CAB39L: variants seen among roughly 807,000 people sequenced by gnomAD.
CAB39L encodes calcium-binding protein 39-like.
CAB39L carries 23 observed loss-of-function variants against 39.1 expected under a neutral mutation model. That is an observed-to-expected ratio of 0.59 (90% CI 0.42 to 0.83). CAB39L has a LOEUF of 0.83. Ranked by LOEUF, CAB39L falls within the 40% of genes least tolerant of loss-of-function variation. CAB39L has a pLI of 0.00. For synonymous variants in CAB39L, 126 were observed against 137.2 expected (o/e 0.92, Z 0.57); for missense variants, 366 against 391.9 (o/e 0.93, Z 0.56).
chr13:49,420,070 T>C (rs1957148767), intron 3 of CAB39L, among the ~76,000 whole-genome samples: 1 of 152,218 alleles, frequency 6.6e-6, no homozygotes, highest in Non-Finnish European at 1.5e-5. Context: ...AACTTTAGAT[T>C]AGAGGATGAC....
chr13:49,435,583 C>A lies in CAB39L; in HGVS notation c.-245-1360G>T, dbSNP rs545204608. ...CGGCATGATCTGGGCTCACTGCAGCCTCCGCCTCCCAGGTTCAAGCAATTC... is the reference window on the plus strand; with the variant it reads ...CGGCATGATCTGGGCTCACTGCAGCATCCGCCTCCCAGGTTCAAGCAATTC... On this transcript the variant is annotated intron_variant, in intron 1 of 10. Coordinates refer to ENST00000409308, the MANE Select transcript of CAB39L (RefSeq NM_001079670.3). Among the ~76,000 whole-genome samples, 5 of 152,324 alleles carry A rather than the reference C, an allele frequency of 3.3e-5. 1 individual carries two copies. The highest frequency in any genetic ancestry group is 1.3e-4 in the Admixed American group (2 of 15,304).
intron 5 of CAB39L, among the ~76,000 whole-genome samples, chr13:49,363,156 A>G (rs1426467044): frequency 1.3e-5 from 2 of 152,240 alleles, no homozygotes; most frequent in Non-Finnish European, 2.9e-5. Flanking sequence ...ATCTTAAGGT[A>G]TAAAATCCAC....
intron 3 of CAB39L, among the ~76,000 whole-genome samples, chr13:49,397,604 T>G (rs142136461): frequency 6.6e-6 from 1 of 152,130 alleles, no homozygotes; most frequent in Non-Finnish European, 1.5e-5. Context: ...TAGGCTATTG[T>G]AGTTCCAGAA....
intron 5 of CAB39L, among the ~76,000 whole-genome samples, chr13:49,374,854 A>C (rs1956013589): frequency 6.6e-6 from 1 of 152,224 alleles, no homozygotes; most frequent in South Asian, 2.1e-4. Context: ...AAATTGGGTT[A>C]ATCTCATAAA....
chr13:49,325,821 A>C (rs1478113166), intron 10 of CAB39L, among the ~76,000 whole-genome samples: 1 of 151,792 alleles, frequency 6.6e-6, no homozygotes, highest in Admixed American at 6.6e-5. Flanking sequence ...TAATATTAAA[A>C]AGTGGGTCCT....
chr13:49,413,751 C>T (rs1957036593), intron 3 of CAB39L: 2 of 152,170 alleles, frequency 1.3e-5, no homozygotes, highest in Admixed American at 6.6e-5. Flanking sequence ...ACAAGAAATC[C>T]AGATACACCA....
intron 6 of CAB39L, among the ~76,000 whole-genome samples, chr13:49,354,819 A>G (rs952271264): frequency 4.6e-5 from 7 of 152,226 alleles, no homozygotes; most frequent in African/African-American, 1.7e-4. Context: ...AAAATGTAAG[A>G]GCAATGGTCT....
chr13:49,442,798 A>AAAAAC (rs1957556442), intron 1 of CAB39L, among the ~76,000 whole-genome samples: 1 of 128,240 alleles, frequency 7.8e-6, no homozygotes, highest in African/African-American at 3.2e-5. Flanking sequence ...AAAAAAAAAA[A>AAAAAC]AAAAAAAAAA....
In CAB39L at chr13:49,350,823, G is replaced by C. The variant is rs766674616; in HGVS notation, c.485C>G (p.Ser162Cys). 3.1e-6 allele frequency: 5 copies of C among 1,612,318 alleles called. No individual in the cohort carries two copies. Among genetic ancestry groups the C allele is most frequent in the Non-Finnish European group, 4.2e-6 (5 of 1,179,088 alleles). The change falls in exon 7 of 11, where the codon TCT (serine) becomes TGT (cysteine). Residue 162 changes from serine to cysteine, a missense_variant. Ser to Cys is a moderately radical substitution (Grantham distance 112). Transcript: ENST00000409308. ...HEPLAKIILF[S>C]NQFRDFFKYV... is the part of the protein sequence containing the mutation. ...CTTAAAGAAATCTCTGAATTGATTA[G>C]AAAAGAGGATGATTTTGGCAAGTGG... is the stretch of plus-strand genomic sequence containing the variant.
At chr13:49,346,102 T>TATATATATATATATATATAG (rs1955158159) in intron 7 of CAB39L, among the ~76,000 whole-genome samples, 1 of 33,528 alleles carries the variant, frequency 3.0e-5, no homozygotes, top group African/African-American at 9.8e-5. Context: ...ATATGCTAGA[T>TATATATATATATATATATAG]ATATATATAT....
chr13:49,350,415 T>C (rs1217906058), intron 7 of CAB39L, among the ~76,000 whole-genome samples: 2 of 152,222 alleles, frequency 1.3e-5, no homozygotes, highest in East Asian at 3.8e-4. Flanking sequence ...GTACCTTAAG[T>C]GGAAGCTTAT....
chr13:49,378,330 G>A lies in CAB39L; in HGVS notation c.112-1199C>T, dbSNP rs1311174889. On this transcript the variant is annotated intron_variant, in intron 4 of 10. Transcript: ENST00000409308. ...AGGGAGGTGGGGGGTCAGCCCCCCC[G>A]ACCGGCCAGCCGTGCCATCCGGGAG... Among the ~76,000 whole-genome samples, 120 of 68,244 alleles carry A rather than the reference G, an allele frequency of 1.8e-3. 24 individuals are homozygous for A. The highest frequency in any genetic ancestry group is 3.4e-3 in the South Asian group (6 of 1,744). The allele number at this position is 68,244 out of a possible 152,430, so 44.8% of individuals were successfully genotyped here.
chr13:49,391,269 T>C (rs1232022137), intron 3 of CAB39L, among the ~76,000 whole-genome samples: 2 of 152,232 alleles, frequency 1.3e-5, no homozygotes, highest in Admixed American at 1.3e-4. Context: ...ATTATGCAGA[T>C]GTGAGGGCAA....
At chr13:49,325,414 A>G (rs184086219) in intron 10 of CAB39L, among the ~76,000 whole-genome samples, 114 of 152,358 alleles carry the variant, frequency 7.5e-4, no homozygotes, top group African/African-American at 2.6e-3. Flanking sequence ...CAATTCCTAA[A>G]TTCACTTGGT....
intron 6 of CAB39L, among the ~76,000 whole-genome samples, chr13:49,358,969 C>T (rs1016395787): frequency 6.6e-6 from 1 of 151,896 alleles, no homozygotes; most frequent in Non-Finnish European, 1.5e-5. Context: ...TTAAAATGTA[C>T]AAGAGAGAAA....
At chr13:49,311,757 A>C (rs983052825) in intron 10 of CAB39L, among the ~76,000 whole-genome samples, 1 of 152,246 alleles carries the variant, frequency 6.6e-6, no homozygotes. Context: ...ATAAAGAAAG[A>C]AAATGTTTTT....
intron 3 of CAB39L, among the ~76,000 whole-genome samples, chr13:49,428,366 G>A (rs1396263398): frequency 6.6e-6 from 1 of 152,184 alleles, no homozygotes; most frequent in Non-Finnish European, 1.5e-5. Context: ...TTCTCCCAGA[G>A]CAAGTGATCA....
intron 5 of CAB39L, among the ~76,000 whole-genome samples, chr13:49,366,485 G>A (rs1426678750): frequency 4.0e-5 from 6 of 151,708 alleles, no homozygotes; most frequent in African/African-American, 7.3e-5. Context: ...AAATTAGCTA[G>A]GCTTGGTGGC....
Position 49,309,628 on chromosome 13 carries a change from G to T in CAB39L, c.*1186C>A, listed in dbSNP as rs1953931038. On this transcript the variant is annotated 3_prime_UTR_variant, in exon 11 of 11. Transcript: ENST00000409308. ...AACCACGGCCTTTTAAAATATTTTT[G>T]ATTCCAAGCCTTTTTATAAGGAAGA... is the stretch of plus-strand genomic sequence containing the variant. 2 of 152,092 alleles carry T rather than the reference G, an allele frequency of 1.3e-5. No individual in the cohort carries two copies. The highest frequency in any genetic ancestry group is 4.1e-4 in the South Asian group (2 of 4,828). The allele number at this position is 152,092 out of a possible 1,614,324, so 9.4% of individuals were successfully genotyped here.
Sources: allele counts gnomAD v4.1 joint callset (sites outside exome capture counted in the v4.1 genomes callset), GRCh38; gene constraint gnomAD v4.1.1; transcripts MANE v1.5; gene names NCBI Gene and HGNC (gene_info 2026-07-23, HGNC 2026-07-21).